The following OTUD7A variants were observed in gnomAD, a reference collection of about 807,000 sequenced individuals.
The protein encoded by OTUD7A is OTU deubiquitinase 7A, also known as OTU domain-containing protein 7A.
A neutral mutation model predicts 65.7 loss-of-function variants in OTUD7A; 12 were observed. That is an observed-to-expected ratio of 0.18 (90% CI 0.12 to 0.30). The LOEUF is 0.30. OTUD7A is among the 10% of genes least tolerant of loss of function. OTUD7A has a pLI of 1.00. For missense variants in OTUD7A, 1,148 were observed against 1,304.8 expected, an observed-to-expected ratio of 0.88 and a Z score of 1.85; for synonymous variants, 641 against 586.3, an observed-to-expected ratio of 1.09 and a Z score of -1.35.
At chr15:31,631,304 C>A (rs1891145411) in intron 3 of OTUD7A, among the ~76,000 whole-genome samples, 1 of 152,180 alleles carries the variant, frequency 6.6e-6, no homozygotes, top group Non-Finnish European at 1.5e-5. Context: ...AATCTCTCAG[C>A]ATTTGCTTGT....
At chr15:31,648,745 GC>G (rs1214353468) in intron 3 of OTUD7A, among the ~76,000 whole-genome samples, 2 of 151,984 alleles carry the variant, frequency 1.3e-5, no homozygotes, top group African/African-American at 2.4e-5. Flanking sequence ...TGTAACTTCT[GC>G]CCCCTGCCTT....
chr15:31,815,608 T>C (rs997253946), intron 1 of OTUD7A, among the ~76,000 whole-genome samples: 1 of 152,212 alleles, frequency 6.6e-6, no homozygotes, highest in African/African-American at 2.4e-5. Context: ...TGAGTTCACT[T>C]TGCAAAGATC....
intron 3 of OTUD7A, among the ~76,000 whole-genome samples, chr15:31,582,160 T>C (rs34181495): frequency 0.033 from 5,008 of 152,308 alleles, 149 homozygotes; most frequent in African/African-American, 0.075. Flanking sequence ...TGCTAAAACA[T>C]AGCAAGAGTC....
intron 3 of OTUD7A, among the ~76,000 whole-genome samples, chr15:31,617,459 T>C (rs1051199409): frequency 6.6e-6 from 1 of 151,742 alleles, no homozygotes; most frequent in Non-Finnish European, 1.5e-5. Flanking sequence ...TGCACTCCCC[T>C]GGTGACAGAG....
intron 1 of OTUD7A, among the ~76,000 whole-genome samples, chr15:31,823,562 G>A (rs933452448): frequency 5.9e-5 from 9 of 152,166 alleles, no homozygotes; most frequent in Admixed American, 4.6e-4. Context: ...ATAGGTAAGC[G>A]TAAAGTTAGC....
At chr15:31,524,701 T>C (rs1440123018) in intron 8 of OTUD7A, among the ~76,000 whole-genome samples, 1 of 152,212 alleles carries the variant, frequency 6.6e-6, no homozygotes, top group African/African-American at 2.4e-5. Flanking sequence ...TTTTGTGATG[T>C]GGCAGCCAGA....
chr15:31,507,163 A>C (rs1412593611), intron 8 of OTUD7A, among the ~76,000 whole-genome samples: 1 of 152,178 alleles, frequency 6.6e-6, no homozygotes, highest in Non-Finnish European at 1.5e-5. Flanking sequence ...GAAGGGGAAG[A>C]TGGGGGAATA....
rs1177611569 is a variant in OTUD7A, at chr15:31,483,542, C to T, written c.2554G>A (p.Glu852Lys). 8 of 1,334,786 alleles carry T rather than the reference C, an allele frequency of 6.0e-6. No homozygotes were observed. The highest frequency in any genetic ancestry group is 4.8e-6 in the Non-Finnish European group (5 of 1,038,234). The allele number at this position is 1,334,786 out of a possible 1,614,324, so 82.7% of individuals were successfully genotyped here. A position where few individuals can be genotyped will look rare whatever the true frequency, so the allele number is the denominator to read the frequency against. ...TTGGTGTAGGTCTGCGACTTGTGCT[C>T]GGCCGCCCCCGCCGTCCCCGCCGCG... ...PGAAGTAGAA[E>K]HKSQTYTNGF... The change falls in exon 13 of 13, where the codon GAG becomes AAG. Residue 852 changes from glutamate (E) to lysine (K), a missense_variant. By Grantham distance (56) the Glu-to-Lys change is moderately conservative. Transcript: ENST00000307050.
At chr15:31,581,266 C>T (rs2141184559) in intron 3 of OTUD7A, among the ~76,000 whole-genome samples, 1 of 152,348 alleles carries the variant, frequency 6.6e-6, no homozygotes, top group East Asian at 1.9e-4. Flanking sequence ...TACAGCCCTC[C>T]TCCTAGTTGC....
At chr15:31,794,791 A>G (rs1416419760) in intron 1 of OTUD7A, among the ~76,000 whole-genome samples, 1 of 152,206 alleles carries the variant, frequency 6.6e-6, no homozygotes, top group Non-Finnish European at 1.5e-5. Context: ...ATAAGAAGAG[A>G]GCCAATCTTA....
At position 31,559,171 on chromosome 15, in the gene OTUD7A, C is replaced by T; in HGVS notation, c.348G>A (p.Arg116=). ...DDIAQEKRLS[R]GISHASSAIV... ...TGGCTGAGCTGGCGTGGGAAATCCC[C>T]CGGGAAAGCCGCTTTTCTGCAGGGG... is the stretch of plus-strand genomic sequence containing the variant. The change falls in exon 5 of 13, where the codon CGG becomes CGA. Residue 116 remains arginine, a synonymous_variant. Transcript: ENST00000307050. 1 of 1,613,320 alleles carries T rather than the reference C, an allele frequency of 6.2e-7. No individual in the cohort carries two copies. The highest frequency in any genetic ancestry group is 8.5e-7 in the Non-Finnish European group (1 of 1,179,376).
intron 5 of OTUD7A, among the ~76,000 whole-genome samples, chr15:31,555,077 T>C (rs1888447167): frequency 6.6e-6 from 1 of 152,100 alleles, no homozygotes; most frequent in South Asian, 2.1e-4. Flanking sequence ...CGGGGCTGCC[T>C]ATGTGGCTCG....
At chr15:31,764,519 C>CAGT (rs1895050612) in intron 1 of OTUD7A, among the ~76,000 whole-genome samples, 1 of 151,944 alleles carries the variant, frequency 6.6e-6, no homozygotes, top group Admixed American at 6.6e-5. Context: ...AAGTTTGTAC[C>CAGT]AAGTCAATCA....
chr15:31,823,509 G>A (rs1896734683), intron 1 of OTUD7A, among the ~76,000 whole-genome samples: 1 of 152,224 alleles, frequency 6.6e-6, no homozygotes. Flanking sequence ...TCCTGTTTTT[G>A]AGAGTCGCCA....
intron 5 of OTUD7A, among the ~76,000 whole-genome samples, chr15:31,531,388 GAGA>G (rs984959725): frequency 6.6e-5 from 10 of 152,102 alleles, no homozygotes; most frequent in Admixed American, 4.6e-4. Context: ...CTGAAAAGTG[GAGA>G]AGAAGTGGCA....
intron 3 of OTUD7A, among the ~76,000 whole-genome samples, chr15:31,590,364 G>A (rs1024926407): frequency 6.6e-6 from 1 of 152,094 alleles, no homozygotes; most frequent in African/African-American, 2.4e-5. Flanking sequence ...CTGTCATTCA[G>A]TGATGAATGA....
chr15:31,811,298 ATG>A (rs939906697), intron 1 of OTUD7A, among the ~76,000 whole-genome samples: 2 of 151,652 alleles, frequency 1.3e-5, no homozygotes, highest in East Asian at 3.9e-4. Context: ...GGTTGATTTG[ATG>A]TGTGTGTGTG....
intron 4 of OTUD7A, among the ~76,000 whole-genome samples, chr15:31,562,751 T>C (rs1002593245): frequency 3.6e-4 from 55 of 152,334 alleles, no homozygotes; most frequent in African/African-American, 1.2e-3. Context: ...TTGTGGGCCA[T>C]GCAGTCTCAA....
intron 1 of OTUD7A, among the ~76,000 whole-genome samples, chr15:31,747,718 A>C (rs1395261699): frequency 6.6e-6 from 1 of 152,212 alleles, no homozygotes; most frequent in Non-Finnish European, 1.5e-5. Context: ...CCACTAGATA[A>C]AAGTTTAATG....
Sources: gnomAD v4.1 joint callset for allele counts (sites outside exome capture counted in the v4.1 genomes callset) on GRCh38, gnomAD v4.1.1 for gene constraint, MANE v1.5 for transcripts, NCBI Gene and HGNC (gene_info 2026-07-23, HGNC 2026-07-21) for gene names.